Variants in SLC11A1 observed in about 807,000 individuals in gnomAD.
SLC11A1 encodes the protein solute carrier family 11 member 1.
Under a neutral mutation model 63.2 loss-of-function variants are expected in SLC11A1, and 59 were observed. The ratio of observed to expected loss-of-function variants is 0.93; its 90% CI spans 0.76 to 1.16. The LOEUF is 1.16. SLC11A1 is among the 50% of genes most tolerant of loss of function. The probability of loss-of-function intolerance (pLI) is 0.00; values close to 1 mark genes in which losing one functional copy is unlikely to be tolerated. For missense variants in SLC11A1, 688 were observed against 730.7 expected, an observed-to-expected ratio of 0.94 and a Z score of 0.67; for synonymous variants, 305 against 307.8, an observed-to-expected ratio of 0.99 and a Z score of 0.09.
At chr2:218,388,177 G>T in intron 8 of SLC11A1, 1 of 535,400 alleles carries the variant, frequency 1.9e-6, no homozygotes, top group Non-Finnish European at 3.2e-6. Flanking sequence ...ACACCATCCT[G>T]GTCAACATGG....
chr2:218,392,127 T>C (rs553704064), intron 11 of SLC11A1: 163 of 394,332 alleles, frequency 4.1e-4, no homozygotes, highest in Middle Eastern at 8.3e-4. Flanking sequence ...TGGAGTGCAA[T>C]GGCGCGATCT....
At chr2:218,392,106 A>G (rs146731249) in intron 11 of SLC11A1, 2 of 385,792 alleles carry the variant, frequency 5.2e-6, no homozygotes. Flanking sequence ...TTTCGCTCTT[A>G]TTGCCCAGGC....
intron 6 of SLC11A1, among the ~76,000 whole-genome samples, 160 bp downstream of exon 6, chr2:218,387,390 A>G (rs771909348): frequency 6.6e-6 from 1 of 152,184 alleles, no homozygotes; most frequent in Non-Finnish European, 1.5e-5. Flanking sequence ...TTCACCTGTA[A>G]CATGGGGAAA....
chr2:218,389,894 C>A lies in SLC11A1; in HGVS notation c.820C>A (p.Arg274=). Residue 274 remains arginine (R), a synonymous_variant, in exon 9 of 15, where the codon CGA becomes AGA. Transcript: ENST00000233202. ...GTCTCGAGAGATAGACCGGGCCCGC[C>A]GAGCAGACATCAGAGAAGCCAACAT... is the stretch of plus-strand genomic sequence containing the variant. ...VKSREIDRAR[R]ADIREANMYF... is the part of the protein sequence containing the mutation. The A allele has an allele frequency of 6.2e-7, 1 of 1,613,120 alleles. No homozygotes were observed. Among genetic ancestry groups the A allele is most frequent in the Non-Finnish European group, 8.5e-7 (1 of 1,179,442 alleles).
rs572394110 is a variant in SLC11A1 at position 218,391,820 on chromosome 2, G to A, written c.1164+325G>A. The A allele has an allele frequency of 8.7e-4, 258 of 295,372 alleles. 4 individuals carry two copies. Among genetic ancestry groups the A allele is most frequent in the South Asian group, 4.1e-3 (126 of 31,004 alleles). 18.3% of individuals were successfully genotyped at this position (295,372 alleles called of 1,614,324 possible). ...GTACTTTTAGTAGAGACAGGGTTTCGCCATGTTGGCCAGGCTAGTCTTGAA... is the reference window on the plus strand; with the variant it reads ...GTACTTTTAGTAGAGACAGGGTTTCACCATGTTGGCCAGGCTAGTCTTGAA... On this transcript the variant is annotated intron_variant, in intron 11 of 14. Transcript: ENST00000233202.
rs1284425508 is a variant in SLC11A1 at position 218,394,792 on chromosome 2, T to C, written c.1542+7T>C. On this transcript the variant is annotated splice_region_variant and intron_variant, in intron 14 of 14. Coordinates refer to ENST00000233202, the MANE Select transcript of SLC11A1 (RefSeq NM_000578.4). ...GGGCCTCAGCACCTACCTGGTACAG[T>C]AGGGCCAGGGGATGCCTTGGGAATG... The C allele has an allele frequency of 6.2e-7, 1 of 1,611,430 alleles. No individual in the cohort carries two copies. Among genetic ancestry groups the C allele is most frequent in the Non-Finnish European group, 8.5e-7 (1 of 1,179,894 alleles).
chr2:218,385,535 C>A (rs572821685), intron 4 of SLC11A1: 15 of 486,460 alleles, frequency 3.1e-5, no homozygotes, highest in Middle Eastern at 5.1e-4. Flanking sequence ...GGATTACAGG[C>A]GCCCACCACC....
rs763172778 is a variant in SLC11A1 at position 218,396,517 on chromosome 2, C to T, written c.*1482C>T. On this transcript the variant is annotated 3_prime_UTR_variant, in exon 15 of 15. Transcript: ENST00000233202. ...AGGCGGCCTGGCTCCGCGCTCAGGTCCGGACGCTTGTTTATGAGAAGAATT... is the reference window on the plus strand; with the variant it reads ...AGGCGGCCTGGCTCCGCGCTCAGGTTCGGACGCTTGTTTATGAGAAGAATT... The T allele has an allele frequency of 1.3e-5, 2 of 152,436 alleles. No individual in the cohort carries two copies. Among genetic ancestry groups the T allele is most frequent in the Admixed American group, 6.5e-5 (1 of 15,290 alleles). 9.4% of individuals were successfully genotyped at this position (152,436 alleles called of 1,614,324 possible).
Position 218,395,167 on chromosome 2 carries a change from C to A in SLC11A1, c.*132C>A, listed in dbSNP as rs1696692374. ...CCAGCCAACCTGGGGGCTTTAGGGA[C>A]CTGCTGTTTCCTAGCGCAGCCATGT... On this transcript the variant is annotated 3_prime_UTR_variant, in exon 15 of 15. Transcript: ENST00000233202. The A allele has an allele frequency of 1.5e-6, 1 of 650,794 alleles. No homozygotes were observed. Among genetic ancestry groups the A allele is most frequent in the African/African-American group, 1.8e-5 (1 of 55,410 alleles). 40.3% of individuals were successfully genotyped at this position (650,794 alleles called of 1,614,324 possible).
chr2:218,385,002 G>C, intron 3 of SLC11A1, 145 bp from the exon 4 acceptor site: 1 of 1,029,660 alleles, frequency 9.7e-7, no homozygotes, highest in African/African-American at 1.6e-5. Context: ...GGATTACAGG[G>C]TGAGCTACCA....
intron 14 of SLC11A1, 61 bp from the exon 15 acceptor site, chr2:218,394,864 C>T: frequency 6.2e-7 from 1 of 1,604,738 alleles, no homozygotes; most frequent in Non-Finnish European, 8.5e-7. Context: ...TTTGGGGGGA[C>T]ACAATGGGGC....
Position 218,386,739 on chromosome 2 carries a change from A to T in SLC11A1, c.498A>T (p.Gly166=), listed in dbSNP as rs1310799722. Reference sequence around the variant, plus strand: ...TTGCATTCAATCTGCTCTCAGCTGGACGGTACCACCCCAGTGTACCCCAAC... The same window carrying T: ...TTGCATTCAATCTGCTCTCAGCTGGTCGGTACCACCCCAGTGTACCCCAAC... The part of the protein sequence containing the change: ...TAIAFNLLSA[G]RIPLWGGVLI... Residue 166 remains glycine (G), a splice_region_variant and synonymous_variant, in exon 5 of 15, where the codon GGA becomes GGT. Coordinates refer to ENST00000233202, the MANE Select transcript of SLC11A1 (RefSeq NM_000578.4). The T allele has an allele frequency of 1.9e-6, 3 of 1,612,302 alleles. No homozygotes were observed. The highest frequency in any genetic ancestry group is 2.2e-5 in the East Asian group (1 of 44,854).
At chr2:218,389,164 G>C (rs1432595100) in intron 8 of SLC11A1, among the ~76,000 whole-genome samples, 5 of 151,818 alleles carry the variant, frequency 3.3e-5, no homozygotes, top group Non-Finnish European at 7.4e-5. Context: ...ACAAAACAGA[G>C]AAATATGATA....
chr2:218,394,995 G>C lies in SLC11A1; in HGVS notation c.1613G>C (p.Gly538Ala), dbSNP rs746599306. The change falls in exon 15 of 15, where the codon GGG (glycine) becomes GCG (alanine). Residue 538 changes from glycine (G) to alanine (A), a missense_variant. Physicochemically the swap from Gly to Ala is moderately conservative, Grantham distance 60. Transcript: ENST00000233202. The part of the protein sequence containing the change: ...AHSSHHHFLY[G>A]LLEEDQKGET... ...AGCTCCCACCACCACTTCCTGTATGGGCTCCTTGAAGAGGACCAGAAAGGG... is the reference window on the plus strand; with the variant it reads ...AGCTCCCACCACCACTTCCTGTATGCGCTCCTTGAAGAGGACCAGAAAGGG... The C allele has an allele frequency of 6.2e-7, 1 of 1,612,248 alleles. No individual in the cohort carries two copies.
chr2:218,388,031 C>T (rs1353514460), intron 8 of SLC11A1, 76 bp downstream of exon 8: 5 of 1,444,512 alleles, frequency 3.5e-6, no homozygotes, highest in African/African-American at 1.4e-5. Flanking sequence ...AGCCTGGAGC[C>T]CCTCCCCTCT....
chr2:218,388,841 G>T (rs1696273816), intron 8 of SLC11A1, among the ~76,000 whole-genome samples: 1 of 152,028 alleles, frequency 6.6e-6, no homozygotes, highest in African/African-American at 2.4e-5. Context: ...GCTGGGCGAG[G>T]TGGCTCACGC....
At chr2:218,391,694 G>A (rs953429400) in intron 11 of SLC11A1, 199 bp downstream of exon 11, 17 of 604,440 alleles carry the variant, frequency 2.8e-5, no homozygotes, top group African/African-American at 1.9e-4. Context: ...GCGCGATCTC[G>A]GCTCACTGCA....
Position 218,391,303 on chromosome 2 carries a change from T to TG in SLC11A1, c.1044+20dup. On this transcript the variant is annotated intron_variant, in intron 10 of 14. Transcript: ENST00000233202. ...TTACCAGGGGGTGAGCGCGGGTGGG[T>TG]GGGGAGGGCGTGACCCAGAGAGGCT... is the stretch of plus-strand genomic sequence containing the variant. The TG allele has an allele frequency of 3.4e-6, 1 of 293,184 alleles. No homozygotes were observed. The highest frequency in any genetic ancestry group is 4.3e-5 in the African/African-American group (1 of 23,002). The allele number at this position is 293,184 out of a possible 1,614,324, so 18.2% of individuals were successfully genotyped here.
At chr2:218,394,856 TG>T (rs749098356) in intron 14 of SLC11A1, 68 bp from the exon 15 acceptor site, 13 of 1,607,430 alleles carry the variant, frequency 8.1e-6, no homozygotes, top group East Asian at 2.2e-5. Context: ...GGGGAGGGTT[TG>T]GGGGGACACA....
Sources: gnomAD v4.1 joint callset for allele counts (sites outside exome capture counted in the v4.1 genomes callset) on GRCh38, gnomAD v4.1.1 for gene constraint, MANE v1.5 for transcripts, NCBI Gene and HGNC (gene_info 2026-07-23, HGNC 2026-07-21) for gene names.